Variants in PDE4D observed in about 807,000 individuals in gnomAD.
PDE4D encodes the protein phosphodiesterase 4D.
Under a neutral mutation model 87.4 loss-of-function variants are expected in PDE4D, and 24 were observed. The ratio of observed to expected loss-of-function variants is 0.27; its 90% confidence interval spans 0.20 to 0.39. The LOEUF (loss-of-function observed/expected upper bound fraction) is 0.39, where lower values mean the gene tolerates loss of function less well. PDE4D is among the 10% of genes least tolerant of loss of function. PDE4D has a pLI of 1.00. For missense variants in PDE4D, 714 were observed against 1,041.0 expected, an observed-to-expected ratio of 0.69 and a Z score of 4.32; for synonymous variants, 384 against 383.2, an observed-to-expected ratio of 1.00 and a Z score of -0.02.
intron 1 of PDE4D, among the ~76,000 whole-genome samples, chr5:59,622,709 T>C (rs1830483050): frequency 6.6e-6 from 1 of 152,198 alleles, no homozygotes; most frequent in Admixed American, 6.5e-5. Flanking sequence ...TTAGAATGAC[T>C]GACATCATTC....
intron 1 of PDE4D, among the ~76,000 whole-genome samples, chr5:59,538,038 T>C (rs1387928086): frequency 3.3e-5 from 5 of 152,194 alleles, no homozygotes; most frequent in African/African-American, 1.2e-4. Context: ...TTTCCACTGT[T>C]GAAGTAAAAT....
rs1183725343 is a variant in PDE4D at position 59,399,029 on chromosome 5, A to G, written c.456-183061T>C. The stretch of plus-strand genomic sequence containing the variant: ...CCTAGGAATCCAACTTACAAGCGAC[A>G]TGAAGGACTTCTTCAAGGAGAACTG... On this transcript the variant is annotated intron_variant, in intron 1 of 14. Coordinates refer to ENST00000340635, the MANE Select transcript of PDE4D (RefSeq NM_001104631.2). 9.8e-5 allele frequency among the ~76,000 whole-genome samples: 12 copies of G among 122,086 alleles called. 2 individuals carry two copies. The highest frequency in any genetic ancestry group is 4.0e-4 in the Admixed American group (5 of 12,492). The allele number at this position is 122,086 out of a possible 152,430, so 80.1% of individuals were successfully genotyped here.
chr5:60,264,909 A>G (rs1750027101), intron 1 of PDE4D, among the ~76,000 whole-genome samples: 1 of 152,204 alleles, frequency 6.6e-6, no homozygotes, highest in Non-Finnish European at 1.5e-5. Flanking sequence ...TCATTTATCC[A>G]ACAGATATTT....
At chr5:59,165,271 A>G (rs1781750641) in intron 5 of PDE4D, among the ~76,000 whole-genome samples, 1 of 152,124 alleles carries the variant, frequency 6.6e-6, no homozygotes, top group Admixed American at 6.6e-5. Context: ...TTCATTTTTC[A>G]TAAATATCTT....
chr5:60,029,407 T>C (rs565139257), intron 2 of PDE4D, among the ~76,000 whole-genome samples: 15 of 152,216 alleles, frequency 9.9e-5, no homozygotes, highest in Non-Finnish European at 1.9e-4. Context: ...TTCATCTCAC[T>C]TATCTGTGAC....
chr5:59,628,982 A>C (rs1383944900), intron 1 of PDE4D, among the ~76,000 whole-genome samples: 1 of 152,168 alleles, frequency 6.6e-6, no homozygotes, highest in African/African-American at 2.4e-5. Context: ...GAGAAGTGCC[A>C]AACAAAAAAG....
intron 1 of PDE4D, among the ~76,000 whole-genome samples, chr5:60,273,089 G>A (rs1316802624): frequency 6.6e-6 from 1 of 152,142 alleles, no homozygotes; most frequent in Admixed American, 6.5e-5. Context: ...GAGTGAAGAA[G>A]ATAATCCCTT....
chr5:59,328,211 A>G (rs1448882370), intron 1 of PDE4D, among the ~76,000 whole-genome samples: 2 of 152,176 alleles, frequency 1.3e-5, no homozygotes, highest in African/African-American at 4.8e-5. Flanking sequence ...GAGGTCTGAC[A>G]CTGCCATTTA....
intron 2 of PDE4D, among the ~76,000 whole-genome samples, chr5:60,054,358 A>C (rs922912958): frequency 6.6e-6 from 1 of 152,226 alleles, no homozygotes; most frequent in African/African-American, 2.4e-5. Flanking sequence ...AGCCATAAAA[A>C]GGATGAGTTC....
Position 60,246,156 on chromosome 5 carries a change from T to C in PDE4D, c.-89-60469A>G, listed in dbSNP as rs76436222. On this transcript the variant is annotated intron_variant, in intron 1 of 16. Transcript: ENST00000502484. ...TTATATAGGCATTTAAAGCTATAAC[T>C]TTCTAACTATAACTTTCATTGCTTC... Among the ~76,000 whole-genome samples, 1,278 of 151,990 alleles carry C rather than the reference T, an allele frequency of 8.4e-3. 18 individuals are homozygous for C. Among genetic ancestry groups the C allele is most frequent in the African/African-American group, 0.029 (1,213 of 41,538 alleles).
intron 1 of PDE4D, among the ~76,000 whole-genome samples, chr5:59,659,996 G>A (rs1441613607): frequency 6.6e-6 from 1 of 152,058 alleles, no homozygotes; most frequent in Non-Finnish European, 1.5e-5. Flanking sequence ...ACTCACCTGG[G>A]CAACATGGCG....
intron 1 of PDE4D, among the ~76,000 whole-genome samples, chr5:59,437,152 C>T (rs1401059312): frequency 6.6e-6 from 1 of 152,174 alleles, no homozygotes. Context: ...AAATGATGCT[C>T]ATTCATTGAA....
intron 5 of PDE4D, among the ~76,000 whole-genome samples, chr5:59,055,866 C>T (rs1275355745): frequency 1.3e-5 from 2 of 152,162 alleles, no homozygotes; most frequent in Middle Eastern, 6.3e-3. Context: ...CTTGTTGAAC[C>T]CCACCAGTAA....
intron 1 of PDE4D, among the ~76,000 whole-genome samples, chr5:59,752,198 ATG>A (rs913825868): frequency 5.3e-5 from 8 of 152,290 alleles, no homozygotes; most frequent in African/African-American, 1.4e-4. Flanking sequence ...TAGACAGAGT[ATG>A]TGAGTCAAAT....
rs1169604180 is a variant in PDE4D at position 58,976,392 on chromosome 5, G to C, written c.1788C>G (p.Ser596Arg). Residue 596 changes from serine (S) to arginine (R), a missense_variant, in exon 13 of 15, where the codon AGC becomes AGG. By Grantham distance (110) the Ser-to-Arg change is moderately radical. Transcript: ENST00000340635. Reference sequence around the variant, plus strand: ...AATTATCAAGAAGAAGAACTCCAGAGCTTGTCACTTTCTTAGTTTCAACCA... The same window carrying C: ...AATTATCAAGAAGAAGAACTCCAGACCTTGTCACTTTCTTAGTTTCAACCA... The part of the protein sequence containing the change: ...KTMVETKKVT[S>R]SGVLLLDNYS... The C allele has an allele frequency of 1.9e-6, 3 of 1,609,204 alleles. No individual in the cohort carries two copies. Among genetic ancestry groups the C allele is most frequent in the Non-Finnish European group, 2.5e-6 (3 of 1,177,924 alleles).
chr5:60,364,181 T>G (rs1475238667), intron 1 of PDE4D, among the ~76,000 whole-genome samples: 1 of 152,176 alleles, frequency 6.6e-6, no homozygotes, highest in African/African-American at 2.4e-5. Flanking sequence ...AGTTCCAGGT[T>G]CTCCTCAGGC....
intron 2 of PDE4D, among the ~76,000 whole-genome samples, chr5:60,059,227 G>T (rs189369993): frequency 2.6e-5 from 4 of 151,968 alleles, no homozygotes; most frequent in African/African-American, 9.7e-5. Flanking sequence ...GTTGGCAGCT[G>T]TCTGTGATCT....
At chr5:60,107,481 A>G (rs1046344025) in intron 2 of PDE4D, among the ~76,000 whole-genome samples, 2 of 152,208 alleles carry the variant, frequency 1.3e-5, no homozygotes, top group African/African-American at 2.4e-5. Context: ...CAATAGAAAA[A>G]GAGGGAATCC....
At chr5:60,156,016 G>C (rs1483218977) in intron 2 of PDE4D, among the ~76,000 whole-genome samples, 1 of 152,146 alleles carries the variant, frequency 6.6e-6, no homozygotes, top group South Asian at 2.1e-4. Flanking sequence ...TAGGTACCAG[G>C]GTTGCAGGGC....
Sources: gnomAD v4.1 joint callset for allele counts (sites outside exome capture counted in the v4.1 genomes callset) on GRCh38, gnomAD v4.1.1 for gene constraint, MANE v1.5 for transcripts, NCBI Gene and HGNC (gene_info 2026-07-23, HGNC 2026-07-21) for gene names.